CIRSR: variants seen among roughly 807,000 people sequenced by gnomAD.
CIRSR encodes corepressor of RBPJ and splicing regulator.
At chr2:174,387,923 C>T in the CIRSR span, 2 of 572,250 alleles carry the variant, frequency 3.5e-6, no homozygotes, top group Non-Finnish European at 5.8e-6. Flanking sequence ...ACAGAAAACA[C>T]ACTAATACAC....
At chr2:174,376,666 C>T in the CIRSR span, among the ~76,000 whole-genome samples, 350 of 151,886 alleles carry the variant, frequency 2.3e-3, 3 homozygotes, top group African/African-American at 7.9e-3. Flanking sequence ...GGCGTGGTGG[C>T]AGGCACCTGT....
At chr2:174,374,611 T>C in the CIRSR span, among the ~76,000 whole-genome samples, 44 of 152,206 alleles carry the variant, frequency 2.9e-4, no homozygotes, top group Non-Finnish European at 5.1e-4. Flanking sequence ...TTGCCTAAAG[T>C]TACACAGACA....
chr2:174,359,587 T>C, the CIRSR span, among the ~76,000 whole-genome samples: 4 of 152,112 alleles, frequency 2.6e-5, no homozygotes, highest in South Asian at 2.1e-4. Context: ...TGTGGAGAAA[T>C]AGGAACGCTT....
chr2:174,381,658 G>GA, the CIRSR span: 113,514 of 968,894 alleles, frequency 0.12, no homozygotes, highest in South Asian at 0.14. Flanking sequence ...CTGTGCCTCA[G>GA]AAAAAAAAAA....
chr2:174,379,278 T>A, the CIRSR span, among the ~76,000 whole-genome samples: 3 of 152,224 alleles, frequency 2.0e-5, no homozygotes, highest in Non-Finnish European at 4.4e-5. Context: ...GGCAATATAA[T>A]GTCATCCAAA....
At chr2:174,375,239 T>G in the CIRSR span, among the ~76,000 whole-genome samples, 1 of 152,214 alleles carries the variant, frequency 6.6e-6, no homozygotes, top group Non-Finnish European at 1.5e-5. Flanking sequence ...TGCATGTTTT[T>G]CAGGCTTTTG....
At chr2:174,379,058 T>C in the CIRSR span, 5 of 1,553,594 alleles carry the variant, frequency 3.2e-6, no homozygotes, top group Non-Finnish European at 4.4e-6. Flanking sequence ...ATAATGAATG[T>C]GATTTTGGTT....
the CIRSR span, among the ~76,000 whole-genome samples, chr2:174,377,798 C>A: frequency 8.2e-6 from 1 of 121,722 alleles, no homozygotes; most frequent in Non-Finnish European, 1.6e-5. Context: ...GCACTCCAGC[C>A]TGGGCAACAG....
chr2:174,393,885 C>T, the CIRSR span, among the ~76,000 whole-genome samples: 1 of 152,118 alleles, frequency 6.6e-6, no homozygotes, highest in African/African-American at 2.4e-5. Flanking sequence ...TAATATAGTT[C>T]CTTTATCCTT....
chr2:174,348,646 C>T, the CIRSR span: 3 of 1,614,196 alleles, frequency 1.9e-6, no homozygotes, highest in South Asian at 3.3e-5. Context: ...TTCCTTGTCT[C>T]CCTTTGCTTG....
At chr2:174,376,564 G>A in the CIRSR span, among the ~76,000 whole-genome samples, 4 of 150,644 alleles carry the variant, frequency 2.7e-5, no homozygotes, top group South Asian at 2.1e-4. Context: ...TTGGGAGGCC[G>A]AGGCGAGTGG....
the CIRSR span, chr2:174,370,111 G>C: frequency 7.7e-7 from 1 of 1,305,434 alleles, no homozygotes; most frequent in Non-Finnish European, 1.0e-6. Context: ...GTGTAGAGCT[G>C]AGTTCAACGG....
At chr2:174,370,159 A>T in the CIRSR span, 10 of 1,012,220 alleles carry the variant, frequency 9.9e-6, no homozygotes, top group Non-Finnish European at 1.4e-5. Context: ...GCTGAAGGAG[A>T]GCTAGCACTC....
chr2:174,352,590 A>C, the CIRSR span, among the ~76,000 whole-genome samples: 1 of 152,162 alleles, frequency 6.6e-6, no homozygotes, highest in Non-Finnish European at 1.5e-5. Context: ...ATAAATAAAT[A>C]ATTTTTTTTT....
chr2:174,367,550 A>G, the CIRSR span, among the ~76,000 whole-genome samples: 1 of 152,100 alleles, frequency 6.6e-6, no homozygotes, highest in Non-Finnish European at 1.5e-5. Context: ...ACTGCACTCC[A>G]GCTGGGCAAC....
chr2:174,359,334 T>TA, the CIRSR span, among the ~76,000 whole-genome samples: 559 of 136,740 alleles, frequency 4.1e-3, 5 homozygotes, highest in Middle Eastern at 0.015. Context: ...GCATTTTACT[T>TA]AAAAAAAAAA....
chr2:174,348,578 A>G, the CIRSR span: 2 of 1,614,056 alleles, frequency 1.2e-6, no homozygotes, highest in Non-Finnish European at 1.7e-6. Flanking sequence ...AGTCTGTGCC[A>G]TGGCTTCTGC....
the CIRSR span, among the ~76,000 whole-genome samples, chr2:174,389,170 A>G: frequency 6.6e-6 from 1 of 152,230 alleles, no homozygotes; most frequent in Non-Finnish European, 1.5e-5. Flanking sequence ...ACTGGGTAAC[A>G]GGTGGAGGTT....
the CIRSR span, chr2:174,351,662 C>A: frequency 6.2e-7 from 1 of 1,613,962 alleles, no homozygotes; most frequent in South Asian, 1.1e-5. Context: ...CAGTACATTT[C>A]GTTTCAGTGC....
Sources: allele counts gnomAD v4.1 joint callset (sites outside exome capture counted in the v4.1 genomes callset), GRCh38; gene constraint gnomAD v4.1.1; transcripts MANE v1.5; gene names NCBI Gene and HGNC (gene_info 2026-07-23, HGNC 2026-07-21).